CNTN3: variants seen among roughly 807,000 people sequenced by gnomAD.
The protein encoded by CNTN3 is contactin-3.
In CNTN3, 60 loss-of-function variants were observed where a neutral mutation model predicts 119.1. That is an observed-to-expected ratio of 0.50 (90% CI 0.41 to 0.62). The LOEUF (loss-of-function observed/expected upper bound fraction) is 0.62. CNTN3 is among the 20% of genes least tolerant of loss of function. The probability of loss-of-function intolerance (pLI) is 0.00; values close to 1 mark genes in which losing one functional copy is unlikely to be tolerated. For synonymous variants in CNTN3, 450 were observed against 438.7 expected, an observed-to-expected ratio of 1.03 and a Z score of -0.32; for missense variants, 1,101 against 1,242.4, an observed-to-expected ratio of 0.89 and a Z score of 1.71.
intron 1 of CNTN3, among the ~76,000 whole-genome samples, chr3:74,610,622 T>C (rs571652177): frequency 6.6e-6 from 1 of 152,108 alleles, no homozygotes. Context: ...ATTTAAGCAT[T>C]CTGAGTAGAT....
At chr3:74,469,716 G>C (rs1184127593) in intron 4 of CNTN3, among the ~76,000 whole-genome samples, 1 of 152,174 alleles carries the variant, frequency 6.6e-6, no homozygotes, top group East Asian at 1.9e-4. Flanking sequence ...TGGCTAGAAT[G>C]TGGAGGAGAT....
At chr3:74,410,516 C>A (rs969873237) in intron 5 of CNTN3, among the ~76,000 whole-genome samples, 4 of 152,032 alleles carry the variant, frequency 2.6e-5, no homozygotes, top group Non-Finnish European at 5.9e-5. Context: ...GTCAAAGAAT[C>A]CTGGGGGATG....
chr3:74,571,572 T>C lies in CNTN3; in HGVS notation c.-81+42819A>G, dbSNP rs1226582689. 6.6e-5 allele frequency among the ~76,000 whole-genome samples: 10 copies of C among 152,284 alleles called. No homozygotes were observed. The East Asian group carries it at 1.9e-3, about 29-fold the overall frequency. On this transcript the variant is annotated intron_variant, in intron 1 of 22. Coordinates refer to ENST00000263665, the MANE Select transcript of CNTN3 (RefSeq NM_020872.3). ...GGGTGATTAGGGCTAAATTGCACAA[T>C]ATATGGAAAGCACTTAGCAAAGTTC...
intron 18 of CNTN3, 146 bp from the exon 19 acceptor site, chr3:74,295,382 A>G (rs1321798672): frequency 3.8e-6 from 2 of 529,240 alleles, no homozygotes; most frequent in South Asian, 3.1e-5. Flanking sequence ...AAATAGAGAC[A>G]CTGGTCCATT....
chr3:74,448,877 C>T (rs1702095859), intron 4 of CNTN3, among the ~76,000 whole-genome samples: 1 of 151,948 alleles, frequency 6.6e-6, no homozygotes, highest in East Asian at 1.9e-4. Flanking sequence ...TCATACTTTA[C>T]CTAGTTGTAG....
intron 4 of CNTN3, among the ~76,000 whole-genome samples, chr3:74,464,003 T>C (rs1456673234): frequency 2.6e-5 from 4 of 152,172 alleles, no homozygotes; most frequent in Non-Finnish European, 5.9e-5. Context: ...ACAATGTCAG[T>C]TGCCTACTAA....
At chr3:74,338,840 T>A (rs17764402) in intron 11 of CNTN3, among the ~76,000 whole-genome samples, 36,326 of 151,950 alleles carry the variant, frequency 0.24, 5,247 homozygotes, top group Non-Finnish European at 0.32. Flanking sequence ...CTTGAGGAAC[T>A]ACAGAGAAAG....
chr3:74,319,060 G>A (rs1019209922), intron 13 of CNTN3, among the ~76,000 whole-genome samples: 2 of 152,142 alleles, frequency 1.3e-5, no homozygotes, highest in Non-Finnish European at 2.9e-5. Flanking sequence ...TGGGTAGGAA[G>A]AATCAATATC....
chr3:74,423,227 C>G (rs1391757826), intron 5 of CNTN3, among the ~76,000 whole-genome samples: 1 of 152,070 alleles, frequency 6.6e-6, no homozygotes, highest in Non-Finnish European at 1.5e-5. Context: ...AATCAATGAT[C>G]AAAACTCATG....
At chr3:74,441,306 T>C (rs570693326) in intron 4 of CNTN3, among the ~76,000 whole-genome samples, 1 of 152,310 alleles carries the variant, frequency 6.6e-6, no homozygotes, top group South Asian at 2.1e-4. Context: ...AATATTATGA[T>C]AGCATCCTTG....
At chr3:74,548,584 A>G (rs1703946240) in intron 1 of CNTN3, among the ~76,000 whole-genome samples, 1 of 149,452 alleles carries the variant, frequency 6.7e-6, no homozygotes, top group African/African-American at 2.6e-5. Flanking sequence ...TATTTTGGTT[A>G]GAATTTTTTA....
At chr3:74,345,752 T>C (rs540232867) in intron 11 of CNTN3, among the ~76,000 whole-genome samples, 2 of 152,328 alleles carry the variant, frequency 1.3e-5, no homozygotes, top group South Asian at 2.1e-4. Context: ...TATCACATTG[T>C]TTCATTTCAT....
intron 13 of CNTN3, among the ~76,000 whole-genome samples, chr3:74,329,832 C>G (rs1408084256): frequency 1.3e-5 from 2 of 152,100 alleles, no homozygotes; most frequent in African/African-American, 4.8e-5. Context: ...TATAGCTAGG[C>G]CTGTATCTCT....
At chr3:74,579,933 T>A (rs867618095) in intron 1 of CNTN3, among the ~76,000 whole-genome samples, 1 of 151,966 alleles carries the variant, frequency 6.6e-6, no homozygotes, top group Non-Finnish European at 1.5e-5. Flanking sequence ...AAATCAACAA[T>A]GTAAAATACT....
At chr3:74,280,185 T>C (rs1396199426) in intron 20 of CNTN3, among the ~76,000 whole-genome samples, 1 of 152,008 alleles carries the variant, frequency 6.6e-6, no homozygotes, top group Non-Finnish European at 1.5e-5. Context: ...AAAAGTTGAA[T>C]TAAAAAAAAA....
intron 19 of CNTN3, among the ~76,000 whole-genome samples, chr3:74,294,223 A>C (rs1405761379): frequency 6.6e-6 from 1 of 152,184 alleles, no homozygotes. Flanking sequence ...TATGAATCCC[A>C]CAATGTCATT....
At chr3:74,347,483 C>T (rs578153741) in intron 11 of CNTN3, among the ~76,000 whole-genome samples, 1 of 152,318 alleles carries the variant, frequency 6.6e-6, no homozygotes, top group South Asian at 2.1e-4. Flanking sequence ...TCAAGTGATC[C>T]TCCTGCCTTG....
At chr3:74,578,427 C>G (rs1704452205) in intron 1 of CNTN3, among the ~76,000 whole-genome samples, 1 of 152,034 alleles carries the variant, frequency 6.6e-6, no homozygotes, top group Non-Finnish European at 1.5e-5. Flanking sequence ...ATTCTGTGAA[C>G]TACTTCTAGG....
intron 5 of CNTN3, among the ~76,000 whole-genome samples, chr3:74,415,085 C>A (rs1298448026): frequency 6.6e-6 from 1 of 152,100 alleles, no homozygotes; most frequent in Non-Finnish European, 1.5e-5. Context: ...TGAGTTTCCA[C>A]ATGTAATTTT....
Sources: allele counts gnomAD v4.1 joint callset (sites outside exome capture counted in the v4.1 genomes callset), GRCh38; gene constraint gnomAD v4.1.1; transcripts MANE v1.5; gene names NCBI Gene and HGNC (gene_info 2026-07-23, HGNC 2026-07-21).